VAV3: variants seen among roughly 807,000 people sequenced by gnomAD.
The protein encoded by VAV3 is vav guanine nucleotide exchange factor 3.
Under a neutral mutation model 131.2 loss-of-function variants are expected in VAV3, and 94 were observed. That is an observed-to-expected ratio of 0.72 (90% confidence interval 0.61 to 0.85). VAV3 has a LOEUF of 0.85. Among genes scored for constraint, VAV3 ranks in the 40% least tolerant of loss-of-function variants. The probability of loss-of-function intolerance (pLI) is 0.00; values close to 1 mark genes in which losing one functional copy is unlikely to be tolerated. For missense variants in VAV3, 939 were observed against 1,002.7 expected (o/e 0.94, Z 0.86); for synonymous variants, 349 against 342.0 (o/e 1.02, Z -0.22).
At chr1:107,618,136 A>T (rs1653306318) in intron 20 of VAV3, among the ~76,000 whole-genome samples, 1 of 151,980 alleles carries the variant, frequency 6.6e-6, no homozygotes, top group Non-Finnish European at 1.5e-5. Context: ...AGGAGGGGGA[A>T]CTCAGGTAGT....
intron 1 of VAV3, among the ~76,000 whole-genome samples, chr1:107,892,434 C>T (rs955392377): frequency 6.6e-6 from 1 of 152,192 alleles, no homozygotes; most frequent in African/African-American, 2.4e-5. Flanking sequence ...CAAGGAGCAG[C>T]TTTTAACCTG....
intron 15 of VAV3, among the ~76,000 whole-genome samples, chr1:107,716,947 T>C (rs921793671): frequency 2.0e-5 from 3 of 152,214 alleles, no homozygotes; most frequent in African/African-American, 7.2e-5. Context: ...GGATTCAACA[T>C]CTTCCTAGTT....
chr1:107,901,443 T>C (rs915319209), intron 1 of VAV3, among the ~76,000 whole-genome samples: 14 of 152,332 alleles, frequency 9.2e-5, no homozygotes, highest in Middle Eastern at 3.4e-3. Flanking sequence ...TAAGTTCCTT[T>C]TAATGGTGTA....
intron 15 of VAV3, among the ~76,000 whole-genome samples, chr1:107,722,928 T>C (rs1255376034): frequency 6.6e-6 from 1 of 150,740 alleles, no homozygotes; most frequent in African/African-American, 2.4e-5. Context: ...TGTTCATTCT[T>C]GAGGACCCAG....
At chr1:107,843,824 C>T (rs1178007394) in intron 2 of VAV3, among the ~76,000 whole-genome samples, 1 of 151,902 alleles carries the variant, frequency 6.6e-6, no homozygotes, top group Non-Finnish European at 1.5e-5. Context: ...ATAAAACGTA[C>T]CCCTACAGAG....
intron 15 of VAV3, among the ~76,000 whole-genome samples, chr1:107,738,218 G>A (rs1662789836): frequency 6.6e-6 from 1 of 152,146 alleles, no homozygotes; most frequent in African/African-American, 2.4e-5. Flanking sequence ...GTGAGGGAAT[G>A]GGGGAGGGAT....
In VAV3 at chr1:107,667,696, CA is replaced by C. The variant is rs141615527; in HGVS notation, c.1777+15791del. Reference sequence around the variant, plus strand: ...CCTGCTTAAAACCCTGTTTTCTACACAAATCTTAATGAAGACATTAAGGGAA... The same window carrying C: ...CCTGCTTAAAACCCTGTTTTCTACACAATCTTAATGAAGACATTAAGGGAA... On this transcript the variant is annotated intron_variant, in intron 19 of 26. Transcript: ENST00000370056. Among the ~76,000 whole-genome samples, 885 of 152,138 alleles carry C rather than the reference CA, an allele frequency of 5.8e-3. 10 individuals carry two copies. The highest frequency in any genetic ancestry group is 0.02 in the African/African-American group (845 of 41,492).
chr1:107,756,347 C>T (rs1664098149), intron 11 of VAV3, among the ~76,000 whole-genome samples: 2 of 152,148 alleles, frequency 1.3e-5, no homozygotes, highest in Non-Finnish European at 2.9e-5. Context: ...AAAAGCAGTT[C>T]CTAACTTTGT....
intron 25 of VAV3, 74 bp from the exon 26 acceptor site, chr1:107,574,272 G>A: frequency 1.3e-6 from 2 of 1,535,662 alleles, no homozygotes; most frequent in South Asian, 1.2e-5. Context: ...TCAGATGAAT[G>A]TTATTGATGC....
intron 20 of VAV3, among the ~76,000 whole-genome samples, chr1:107,631,000 T>C (rs544413143): frequency 6.5e-4 from 99 of 152,274 alleles, no homozygotes; most frequent in African/African-American, 2.1e-3. Context: ...CCTTGAAACA[T>C]TGTAAGATCT....
At chr1:107,915,158 A>C (rs144875096) in intron 1 of VAV3, among the ~76,000 whole-genome samples, 1 of 152,238 alleles carries the variant, frequency 6.6e-6, no homozygotes, top group South Asian at 2.1e-4. Context: ...ACTTAATCCA[A>C]TAGGCCCAAA....
In VAV3 at chr1:107,573,208, G is replaced by C; in HGVS notation, c.*123C>G. On this transcript the variant is annotated 3_prime_UTR_variant, in exon 27 of 27. Transcript: ENST00000370056. ...TAAGACTTAGGAGGGGCTAAGGAGG[G>C]AGGATGTTGAACAGCCAGAAATGCA... 9.8e-7 allele frequency: 1 copy of C among 1,025,090 alleles called. No homozygotes were observed. The highest frequency in any genetic ancestry group is 1.4e-6 in the Non-Finnish European group (1 of 693,712). 63.5% of individuals were successfully genotyped at this position (1,025,090 alleles called of 1,614,324 possible). A position where few individuals can be genotyped will look rare whatever the true frequency, so the allele number is the denominator to read the frequency against.
chr1:107,820,743 CAACT>C (rs1321393430), intron 2 of VAV3: 1 of 151,942 alleles, frequency 6.6e-6, no homozygotes, highest in African/African-American at 2.4e-5. Context: ...ACATATGTAC[CAACT>C]ATGTACTCAT....
intron 1 of VAV3, among the ~76,000 whole-genome samples, chr1:107,891,374 G>A (rs1278541160): frequency 6.6e-6 from 1 of 151,930 alleles, no homozygotes; most frequent in Non-Finnish European, 1.5e-5. Context: ...TCAGGTTTTT[G>A]GTCATTATTA....
At chr1:107,871,320 G>A (rs907499426) in intron 2 of VAV3, among the ~76,000 whole-genome samples, 5 of 151,268 alleles carry the variant, frequency 3.3e-5, no homozygotes, top group African/African-American at 9.7e-5. Flanking sequence ...AACCCTCAAC[G>A]TCCCCCATTC....
chr1:107,878,366 G>A (rs1383703357), intron 1 of VAV3, among the ~76,000 whole-genome samples: 1 of 151,920 alleles, frequency 6.6e-6, no homozygotes, highest in Non-Finnish European at 1.5e-5. Context: ...TTAGTACTAG[G>A]ATCCAGTCAT....
At chr1:107,604,059 A>G (rs1652080005) in intron 22 of VAV3, among the ~76,000 whole-genome samples, 1 of 146,368 alleles carries the variant, frequency 6.8e-6, no homozygotes, top group Non-Finnish European at 1.5e-5. Flanking sequence ...ATTCAATCTT[A>G]AAATAATCTT....
intron 15 of VAV3, among the ~76,000 whole-genome samples, chr1:107,735,275 C>A (rs563723772): frequency 6.6e-6 from 1 of 152,206 alleles, no homozygotes; most frequent in Admixed American, 6.5e-5. Context: ...AAAATCGACA[C>A]CCTAACATCA....
intron 1 of VAV3, among the ~76,000 whole-genome samples, chr1:107,931,900 G>A (rs1673454506): frequency 6.6e-6 from 1 of 152,160 alleles, no homozygotes; most frequent in South Asian, 2.1e-4. Context: ...TGAACATTAA[G>A]CATGGTCCTT....
Sources: allele counts gnomAD v4.1 joint callset (sites outside exome capture counted in the v4.1 genomes callset), GRCh38; gene constraint gnomAD v4.1.1; transcripts MANE v1.5; gene names NCBI Gene and HGNC (gene_info 2026-07-23, HGNC 2026-07-21).